Variants in ELOVL5 observed in about 807,000 individuals in gnomAD.
ELOVL5 encodes the protein very long chain fatty acid elongase 5.
A neutral mutation model predicts 38.6 loss-of-function variants in ELOVL5; 8 were observed. The observed-to-expected ratio is 0.21, with a 90% CI of 0.12 to 0.37. ELOVL5 has a LOEUF of 0.37. Among genes scored for constraint, ELOVL5 ranks in the 10% least tolerant of loss-of-function variants. The probability of loss-of-function intolerance (pLI) is 1.00; values close to 1 mark genes in which losing one functional copy is unlikely to be tolerated. For missense variants in ELOVL5, 280 were observed against 367.8 expected (o/e 0.76, Z 1.95); for synonymous variants, 127 against 133.7 (o/e 0.95, Z 0.34).
intron 1 of ELOVL5, among the ~76,000 whole-genome samples, chr6:53,319,311 A>AAAAAAAAAAAAAAAAAC (rs1768200840): frequency 1.5e-5 from 2 of 137,214 alleles, no homozygotes; most frequent in Admixed American, 1.9e-4. Flanking sequence ...AAAAAAAAAA[A>AAAAAAAAAAAAAAAAAC]AAAAAGAAAG....
chr6:53,330,566 T>C (rs905036513), intron 1 of ELOVL5, among the ~76,000 whole-genome samples: 1 of 123,804 alleles, frequency 8.1e-6, no homozygotes, highest in African/African-American at 2.9e-5. Context: ...TGTTGCCCAG[T>C]GGGGCTATCC....
At chr6:53,321,120 C>T (rs1215566756) in intron 1 of ELOVL5, among the ~76,000 whole-genome samples, 2 of 152,202 alleles carry the variant, frequency 1.3e-5, no homozygotes, top group African/African-American at 4.8e-5. Context: ...AGATCCCTGC[C>T]TTCTTCCTTA....
chr6:53,292,561 CGGGT>C (rs1561870950), intron 2 of ELOVL5, among the ~76,000 whole-genome samples: 1 of 152,208 alleles, frequency 6.6e-6, no homozygotes, highest in Non-Finnish European at 1.5e-5. Flanking sequence ...GATGCCAAGG[CGGGT>C]GGATCACCTG....
chr6:53,312,322 A>C (rs947332395), intron 1 of ELOVL5, among the ~76,000 whole-genome samples: 1 of 152,238 alleles, frequency 6.6e-6, no homozygotes, highest in Non-Finnish European at 1.5e-5. Flanking sequence ...TGAATTGTTA[A>C]AACAAACCAT....
At chr6:53,330,746 T>C (rs1444878323) in intron 1 of ELOVL5, among the ~76,000 whole-genome samples, 1 of 152,102 alleles carries the variant, frequency 6.6e-6, no homozygotes, top group African/African-American at 2.4e-5. Context: ...CACAAATACA[T>C]TGTACAGCTG....
intron 3 of ELOVL5, among the ~76,000 whole-genome samples, chr6:53,280,555 T>C (rs1766312363): frequency 6.6e-6 from 1 of 152,192 alleles, no homozygotes; most frequent in Non-Finnish European, 1.5e-5. Context: ...AAAATGTAGG[T>C]GAGTTTCACA....
At chr6:53,329,600 G>C (rs1188081871) in intron 1 of ELOVL5, among the ~76,000 whole-genome samples, 2 of 152,158 alleles carry the variant, frequency 1.3e-5, no homozygotes, top group African/African-American at 4.8e-5. Flanking sequence ...GAGGCGGGTG[G>C]ATCACCTGAG....
chr6:53,317,083 C>T (rs209492), intron 1 of ELOVL5, among the ~76,000 whole-genome samples: 140,152 of 152,268 alleles, frequency 0.92, 64,827 homozygotes, highest in African/African-American at 0.98. Context: ...CACACATTTG[C>T]TTAGGGACTC....
intron 1 of ELOVL5, among the ~76,000 whole-genome samples, chr6:53,307,205 C>G (rs1167523561): frequency 2.6e-5 from 4 of 152,178 alleles, no homozygotes; most frequent in African/African-American, 7.2e-5. Context: ...TGCCACAGTA[C>G]AAATTAGTAA....
At chr6:53,288,796 T>C (rs922421547) in intron 3 of ELOVL5, among the ~76,000 whole-genome samples, 1 of 152,230 alleles carries the variant, frequency 6.6e-6, no homozygotes, top group Non-Finnish European at 1.5e-5. Flanking sequence ...CCAGATGTAG[T>C]GGCTCATGTC....
rs1356840141 is a variant in ELOVL5, at chr6:53,276,269, A to G, written c.247-13T>C. ...CTCCTGTTACTAACTAAAAAAGAAG[A>G]AAGAGCCAGTCACCAACAGCATCTG... is the stretch of plus-strand genomic sequence containing the variant. On this transcript the variant is annotated splice_polypyrimidine_tract_variant and intron_variant, in intron 3 of 7. Transcript: ENST00000304434. 4 of 1,575,492 alleles carry G rather than the reference A, an allele frequency of 2.5e-6. No individual in the cohort carries two copies. The South Asian group carries it at 4.4e-5, about 17-fold the overall frequency.
chr6:53,305,052 G>A (rs1413138490), intron 1 of ELOVL5, among the ~76,000 whole-genome samples: 1 of 149,794 alleles, frequency 6.7e-6, no homozygotes, highest in African/African-American at 2.5e-5. Flanking sequence ...GCCGGGCGGG[G>A]GGCTGACCCC....
At chr6:53,343,949 C>T (rs1356974893) in intron 1 of ELOVL5, among the ~76,000 whole-genome samples, 2 of 152,224 alleles carry the variant, frequency 1.3e-5, no homozygotes, top group African/African-American at 2.4e-5. Context: ...TGGGGCTTTC[C>T]TTTTCTCACC....
At chr6:53,311,182 C>G (rs2127582779) in intron 1 of ELOVL5, among the ~76,000 whole-genome samples, 1 of 152,286 alleles carries the variant, frequency 6.6e-6, no homozygotes, top group South Asian at 2.1e-4. Context: ...CCAACTGACA[C>G]CACTGGAAAC....
At chr6:53,340,258 T>A (rs554511713) in intron 1 of ELOVL5, among the ~76,000 whole-genome samples, 39 of 152,004 alleles carry the variant, frequency 2.6e-4, no homozygotes, top group African/African-American at 9.4e-4. Context: ...TACATATTTT[T>A]AAAAAAACTT....
At chr6:53,332,274 A>C (rs750468139) in intron 1 of ELOVL5, among the ~76,000 whole-genome samples, 4 of 152,218 alleles carry the variant, frequency 2.6e-5, no homozygotes, top group Admixed American at 6.5e-5. Flanking sequence ...TATTAAGAGA[A>C]ATTCAACCCA....
intron 1 of ELOVL5, among the ~76,000 whole-genome samples, chr6:53,345,512 ACTAAATCAGGAAACC>A (rs1769500322): frequency 1.5e-5 from 1 of 65,190 alleles, no homozygotes; most frequent in Non-Finnish European, 5.0e-5. Flanking sequence ...TAAAGTATAT[ACTAAATCAGGAAACC>A]CTCTGGAATC....
chr6:53,286,599 T>C lies in ELOVL5; in HGVS notation c.246+5177A>G, dbSNP rs142726098. On this transcript the variant is annotated intron_variant, in intron 3 of 7. Transcript: ENST00000304434. ...AACAACAAAAAACAATCTAACAACATACATATCCATCCAAAGAAACACTTA... is the reference window on the plus strand; with the variant it reads ...AACAACAAAAAACAATCTAACAACACACATATCCATCCAAAGAAACACTTA... 8.5e-5 allele frequency among the ~76,000 whole-genome samples: 13 copies of C among 152,106 alleles called. No homozygotes were observed. In the East Asian group the frequency reaches 2.1e-3, roughly 25 times the overall value.
intron 1 of ELOVL5, among the ~76,000 whole-genome samples, 170 bp downstream of exon 1, chr6:53,348,647 C>A (rs1242030517): frequency 6.6e-6 from 1 of 152,328 alleles, no homozygotes; most frequent in East Asian, 1.9e-4. Flanking sequence ...CCGGAGCCGG[C>A]GGAGCTGGAG....
Sources: allele counts gnomAD v4.1 joint callset (sites outside exome capture counted in the v4.1 genomes callset), GRCh38; gene constraint gnomAD v4.1.1; transcripts MANE v1.5; gene names NCBI Gene and HGNC (gene_info 2026-07-23, HGNC 2026-07-21).